Variants in GSR observed in about 807,000 individuals in gnomAD.
GSR encodes glutathione-disulfide reductase.
In GSR, 48 loss-of-function variants were observed where a neutral mutation model predicts 56.5. The observed-to-expected ratio is 0.85, with a 90% CI of 0.67 to 1.08. The LOEUF (loss-of-function observed/expected upper bound fraction) is 1.08. GSR is among the 50% of genes least tolerant of loss of function. The pLI is 0.00. For missense variants in GSR, 694 were observed against 703.3 expected, an observed-to-expected ratio of 0.99 and a Z score of 0.15; for synonymous variants, 264 against 270.8, an observed-to-expected ratio of 0.97 and a Z score of 0.25.
intron 6 of GSR, among the ~76,000 whole-genome samples, chr8:30,699,163 C>G (rs186979198): frequency 5.9e-5 from 9 of 151,934 alleles, no homozygotes; most frequent in African/African-American, 1.9e-4. Context: ...TGGTGGTGCA[C>G]GTTTGTAGTC....
intron 8 of GSR, among the ~76,000 whole-genome samples, chr8:30,689,989 T>C (rs1274353089): frequency 1.7e-5 from 2 of 117,658 alleles, no homozygotes; most frequent in South Asian, 2.9e-4. Context: ...AATGTATATA[T>C]ATGTATATTT....
chr8:30,700,362 A>G (rs1401159571), intron 5 of GSR, among the ~76,000 whole-genome samples: 1 of 151,950 alleles, frequency 6.6e-6, no homozygotes, highest in Non-Finnish European at 1.5e-5. Context: ...TAACTTTTAC[A>G]TTTCTCTGAA....
chr8:30,694,143 C>T (rs1033508216), intron 7 of GSR, among the ~76,000 whole-genome samples: 3 of 152,102 alleles, frequency 2.0e-5, no homozygotes, highest in African/African-American at 7.2e-5. Flanking sequence ...ATTATATAAC[C>T]AGTTTCAAAG....
intron 1 of GSR, among the ~76,000 whole-genome samples, chr8:30,714,288 T>C (rs1402365648): frequency 7.6e-6 from 1 of 132,012 alleles, no homozygotes; most frequent in East Asian, 2.6e-4. Context: ...CTCAGCTCAC[T>C]GCAACCTCCG....
intron 9 of GSR, among the ~76,000 whole-genome samples, chr8:30,685,914 G>C (rs1303624994): frequency 6.7e-6 from 1 of 150,190 alleles, no homozygotes; most frequent in African/African-American, 2.5e-5. Flanking sequence ...TTGAACCCAG[G>C]GGGCGGAGAT....
chr8:30,715,023 C>T (rs931579499), intron 1 of GSR, among the ~76,000 whole-genome samples: 1 of 152,104 alleles, frequency 6.6e-6, no homozygotes, highest in Non-Finnish European at 1.5e-5. Context: ...CGCCTGTAAT[C>T]CCCACGCTTT....
At position 30,727,541 on chromosome 8, in the gene GSR, C is replaced by T. The variant is rs762956083; in HGVS notation, c.295G>A (p.Gly99Ser). ...CCGGCGGTACTCACGCAAGTGCCAC[C>T]CAGCTTGTGGCTCTCCACCACGGCG... ...RAAVVESHKL[G>S]GTCVNVGCVP... is the part of the protein sequence containing the mutation. The change falls in exon 1 of 13, where the codon GGT becomes AGT. Residue 99 changes from glycine to serine, a missense_variant. Physicochemically the swap from Gly to Ser is moderately conservative, Grantham distance 56. Coordinates refer to ENST00000221130, the MANE Select transcript of GSR (RefSeq NM_000637.5). 9 of 1,537,376 alleles carry T rather than the reference C, an allele frequency of 5.9e-6. No individual in the cohort carries two copies. The highest frequency in any genetic ancestry group is 1.2e-5 in the South Asian group (1 of 83,570).
At chr8:30,705,262 C>CAA (rs11461103) in intron 4 of GSR, among the ~76,000 whole-genome samples, 6 of 150,588 alleles carry the variant, frequency 4.0e-5, no homozygotes, top group Admixed American at 1.3e-4. Flanking sequence ...CTCATCTCTA[C>CAA]AAAAAAATTT....
At position 30,699,691 on chromosome 8, in the gene GSR, G is replaced by A. The variant is rs181804918; in HGVS notation, c.695+390C>T. On this transcript the variant is annotated intron_variant, in intron 6 of 12. Coordinates refer to ENST00000221130, the MANE Select transcript of GSR (RefSeq NM_000637.5). ...GCTCCTGACCTCAGGTGATCTGCCC[G>A]CTTCAGCCTCCCAAAGTGCTAGGAT... 3.7e-3 allele frequency among the ~76,000 whole-genome samples: 563 copies of A among 151,748 alleles called. 2 individuals are homozygous for A. The highest frequency in any genetic ancestry group is 6.8e-3 in the Middle Eastern group (2 of 294).
intron 1 of GSR, among the ~76,000 whole-genome samples, chr8:30,715,902 TA>T (rs1804317598): frequency 6.6e-6 from 1 of 152,254 alleles, no homozygotes; most frequent in Non-Finnish European, 1.5e-5. Flanking sequence ...AAAAAGTTTT[TA>T]AAAAATATGT....
intron 4 of GSR, among the ~76,000 whole-genome samples, chr8:30,705,522 A>G (rs1803890972): frequency 6.6e-6 from 1 of 152,126 alleles, no homozygotes; most frequent in Admixed American, 6.6e-5. Context: ...TCGGCCTCCC[A>G]AAGTACTGGG....
intron 4 of GSR, among the ~76,000 whole-genome samples, chr8:30,705,465 T>A (rs2128744889): frequency 6.6e-6 from 1 of 152,298 alleles, no homozygotes; most frequent in Non-Finnish European, 1.5e-5. Flanking sequence ...GGTTTCACCG[T>A]GTTAGCCAGG....
Position 30,703,182 on chromosome 8 carries a change from A to C in GSR, c.551T>G (p.Ile184Arg), listed in dbSNP as rs775306351. 9 of 1,613,594 alleles carry C rather than the reference A, an allele frequency of 5.6e-6. No homozygotes were observed. Among genetic ancestry groups the C allele is most frequent in the Non-Finnish European group, 6.8e-6 (8 of 1,179,670 alleles). Residue 184 changes from isoleucine to arginine, a missense_variant, in exon 5 of 13, where the codon ATA becomes AGA. Physicochemically the swap from Ile to Arg is moderately conservative, Grantham distance 97. Transcript: ENST00000221130. ...AAFTSDPKPT[I>R]EVSGKKYTAP... The stretch of plus-strand genomic sequence containing the variant: ...GGTGTACTTTTTCCCACTGACCTCT[A>C]TTGTGGGCTTGGGATCACTCGTGAA...
At chr8:30,725,419 C>T (rs1275695044) in intron 1 of GSR, among the ~76,000 whole-genome samples, 1 of 151,028 alleles carries the variant, frequency 6.6e-6, no homozygotes, top group African/African-American at 2.4e-5. Context: ...CAAAAGTTAG[C>T]TGGGTGTAGT....
chr8:30,700,147 A>C lies in GSR; in HGVS notation c.641-12T>G, dbSNP rs1803681375. 6.3e-7 allele frequency: 1 copy of C among 1,595,278 alleles called. No individual in the cohort carries two copies. On this transcript the variant is annotated splice_polypyrimidine_tract_variant and intron_variant, in intron 5 of 12. Coordinates refer to ENST00000221130, the MANE Select transcript of GSR (RefSeq NM_000637.5). ...TCCTAAGCTGGCACCTATGTAGAAA[A>C]AGGCAACATAGATCACACAAGACTG...
At chr8:30,686,990 C>T (rs936157932) in intron 9 of GSR, among the ~76,000 whole-genome samples, 2 of 151,720 alleles carry the variant, frequency 1.3e-5, no homozygotes, top group Non-Finnish European at 2.9e-5. Flanking sequence ...GCATGCGTCA[C>T]CATGCCTGGC....
At chr8:30,700,723 C>CCAAAAAAA (rs574290557) in intron 5 of GSR, among the ~76,000 whole-genome samples, 11 of 80,056 alleles carry the variant, frequency 1.4e-4, no homozygotes, top group African/African-American at 4.1e-4. Context: ...ATTTTGTCTC[C>CCAAAAAAA]AAAAAAAAAA....
At chr8:30,727,395 T>A in intron 1 of GSR, 135 bp downstream of exon 1, 1 of 854,298 alleles carries the variant, frequency 1.2e-6, no homozygotes, top group Non-Finnish European at 1.8e-6. Context: ...GGCTTCGGAA[T>A]GGGGAGTTGC....
At chr8:30,727,257 G>A (rs112044385) in intron 1 of GSR, among the ~76,000 whole-genome samples, 14 of 152,334 alleles carry the variant, frequency 9.2e-5, no homozygotes, top group African/African-American at 3.1e-4. Flanking sequence ...TGAGGATGGA[G>A]GAAGGTTAAT....
Sources: allele counts gnomAD v4.1 joint callset (sites outside exome capture counted in the v4.1 genomes callset), GRCh38; gene constraint gnomAD v4.1.1; transcripts MANE v1.5; gene names NCBI Gene and HGNC (gene_info 2026-07-23, HGNC 2026-07-21).